The following FHL2 variants were observed in gnomAD, a reference collection of about 807,000 sequenced individuals.
FHL2 encodes four and a half LIM domains protein 2.
Under a neutral mutation model 32.7 loss-of-function variants are expected in FHL2, and 20 were observed. That is an observed-to-expected ratio of 0.61 (90% CI 0.43 to 0.89). The LOEUF (loss-of-function observed/expected upper bound fraction) is 0.89, where lower values mean the gene tolerates loss of function less well. Ranked by LOEUF, FHL2 falls within the 40% of genes least tolerant of loss-of-function variation. The probability of loss-of-function intolerance (pLI) is 0.00; values close to 1 mark genes in which losing one functional copy is unlikely to be tolerated. For synonymous variants in FHL2, 123 were observed against 128.1 expected (o/e 0.96, Z 0.27); for missense variants, 311 against 358.6 (o/e 0.87, Z 1.07).
intron 1 of FHL2, among the ~76,000 whole-genome samples, chr2:105,426,690 C>T (rs1276689229): frequency 2.6e-5 from 4 of 152,304 alleles, no homozygotes; most frequent in South Asian, 2.1e-4. Flanking sequence ...GGCACTCAGG[C>T]GGAGATATTT....
At chr2:105,376,031 C>T (rs927860338) in intron 3 of FHL2, 2 of 152,168 alleles carry the variant, frequency 1.3e-5, no homozygotes, top group Admixed American at 6.5e-5. Flanking sequence ...CATCATCGTT[C>T]GGGAACAGGC....
intron 1 of FHL2, among the ~76,000 whole-genome samples, chr2:105,435,100 AT>A (rs1684567505): frequency 6.6e-6 from 1 of 152,078 alleles, no homozygotes; most frequent in African/African-American, 2.4e-5. Context: ...ATTTTGGTGT[AT>A]TTTTTCAGTT....
chr2:105,399,677 GCGT>G, upstream of FHL2: 1 of 1,464,174 alleles, frequency 6.8e-7, no homozygotes, highest in Non-Finnish European at 9.0e-7. Flanking sequence ...TGAGCTGGGA[GCGT>G]GCCTCCCACA....
chr2:105,425,173 C>T (rs1684221305), intron 1 of FHL2, among the ~76,000 whole-genome samples: 1 of 152,030 alleles, frequency 6.6e-6, no homozygotes, highest in Admixed American at 6.6e-5. Flanking sequence ...AGCCACTTTG[C>T]CTCAGCCACT....
At chr2:105,414,059 G>A (rs1291019831) in intron 1 of FHL2, among the ~76,000 whole-genome samples, 1 of 152,162 alleles carries the variant, frequency 6.6e-6, no homozygotes, top group Middle Eastern at 3.2e-3. Flanking sequence ...TAGTTGGGGA[G>A]GGGGTCCTAG....
chr2:105,366,726 G>A (rs777138358), intron 5 of FHL2, among the ~76,000 whole-genome samples: 24 of 152,030 alleles, frequency 1.6e-4, no homozygotes, highest in Non-Finnish European at 2.9e-4. Context: ...GCACATTATC[G>A]AGTAGATAAG....
chr2:105,420,225 C>G (rs1462828524), intron 1 of FHL2, among the ~76,000 whole-genome samples: 2 of 152,190 alleles, frequency 1.3e-5, no homozygotes, highest in Admixed American at 1.3e-4. Flanking sequence ...TGCTCCATGC[C>G]TCTCCCTAGC....
chr2:105,428,851 C>A (rs7580742), intron 1 of FHL2, among the ~76,000 whole-genome samples: 38,653 of 152,118 alleles, frequency 0.25, 5,304 homozygotes, highest in Middle Eastern at 0.33. Context: ...TGTACAGACA[C>A]CCTGTTGGAT....
At chr2:105,358,463 C>T, downstream of FHL2, 1 of 152,538 alleles carries the variant, frequency 6.6e-6, no homozygotes, top group Non-Finnish European at 1.5e-5. Flanking sequence ...GGGGCAAAGC[C>T]CTAGACTGGT....
chr2:105,429,345 CA>C (rs2104680442), intron 1 of FHL2, among the ~76,000 whole-genome samples: 1 of 152,294 alleles, frequency 6.6e-6, no homozygotes, highest in South Asian at 2.1e-4. Context: ...AGGGGCTTTG[CA>C]GATGTGATTA....
At chr2:105,372,082 G>A (rs1166757629) in intron 4 of FHL2, among the ~76,000 whole-genome samples, 2 of 152,112 alleles carry the variant, frequency 1.3e-5, no homozygotes, top group Admixed American at 6.5e-5. Flanking sequence ...TGTCAGCCTG[G>A]GCATTTTTCT....
chr2:105,397,109 G>A (rs1054971676), intron 1 of FHL2, among the ~76,000 whole-genome samples: 7 of 146,704 alleles, frequency 4.8e-5, no homozygotes, highest in Non-Finnish European at 8.9e-5. Context: ...CGCAATCTTG[G>A]GTCAAAGTAT....
At chr2:105,409,939 G>A (rs902526235) in intron 1 of FHL2, among the ~76,000 whole-genome samples, 7 of 152,240 alleles carry the variant, frequency 4.6e-5, no homozygotes, top group Admixed American at 2.6e-4. Flanking sequence ...TGCCAAGTAC[G>A]CTGGAATGAA....
intron 1 of FHL2, among the ~76,000 whole-genome samples, chr2:105,426,227 A>G (rs1268077716): frequency 6.6e-6 from 1 of 152,322 alleles, no homozygotes; most frequent in Non-Finnish European, 1.5e-5. Context: ...TAAGGAAGTG[A>G]GAAGAAAAGA....
chr2:105,407,210 G>T (rs1573388293), intron 1 of FHL2, among the ~76,000 whole-genome samples: 1 of 152,082 alleles, frequency 6.6e-6, no homozygotes, highest in Non-Finnish European at 1.5e-5. Context: ...GGCTAACACG[G>T]TGAAACCCTG....
At chr2:105,389,211 T>C (rs1420692222) in intron 2 of FHL2, among the ~76,000 whole-genome samples, 3 of 152,252 alleles carry the variant, frequency 2.0e-5, no homozygotes, top group Non-Finnish European at 4.4e-5. Flanking sequence ...ATTCTTGTGA[T>C]AACATCACAA....
chr2:105,365,349 C>T (rs576141286), intron 5 of FHL2, among the ~76,000 whole-genome samples: 27 of 152,206 alleles, frequency 1.8e-4, no homozygotes, highest in African/African-American at 5.8e-4. Context: ...AAGTTCATGT[C>T]GAGGAATGGA....
chr2:105,399,546 A>T (rs1683384157), upstream of FHL2: 1 of 1,536,064 alleles, frequency 6.5e-7, no homozygotes, highest in East Asian at 2.4e-5. Context: ...AGATGACCAT[A>T]AAGAATCCTT....
intron 6 of FHL2, 102 bp downstream of exon 6, chr2:105,363,183 G>A (rs1680395112): frequency 9.1e-7 from 1 of 1,103,636 alleles, no homozygotes; most frequent in Admixed American, 2.1e-5. Flanking sequence ...GCCTTAGGGA[G>A]GTCTGGGGAG....
Sources: allele counts gnomAD v4.1 joint callset (sites outside exome capture counted in the v4.1 genomes callset), GRCh38; gene constraint gnomAD v4.1.1; transcripts MANE v1.5; gene names NCBI Gene and HGNC (gene_info 2026-07-23, HGNC 2026-07-21).